Variants in RIMS1 observed in about 807,000 individuals in gnomAD.
RIMS1 encodes regulating synaptic membrane exocytosis 1.
Under a neutral mutation model 214.1 loss-of-function variants are expected in RIMS1, and 83 were observed. The observed-to-expected ratio is 0.39, with a 90% CI of 0.32 to 0.47. RIMS1 has a LOEUF of 0.47. Ranked by LOEUF, RIMS1 falls within the 20% of genes least tolerant of loss-of-function variation. The pLI, the probability that RIMS1 is intolerant of heterozygous loss-of-function variation, is 0.99. For missense variants in RIMS1, 2,050 were observed against 2,161.8 expected, an observed-to-expected ratio of 0.95 and a Z score of 1.03; for synonymous variants, 793 against 786.8, an observed-to-expected ratio of 1.01 and a Z score of -0.13.
chr6:72,148,377 G>C (rs561668088), intron 4 of RIMS1, among the ~76,000 whole-genome samples: 3 of 152,074 alleles, frequency 2.0e-5, no homozygotes, highest in African/African-American at 7.2e-5. Context: ...TGGGATACAA[G>C]AGGGGGAGAA....
chr6:72,166,214 ACACACATG>A (rs976750803), intron 4 of RIMS1, among the ~76,000 whole-genome samples: 13 of 152,076 alleles, frequency 8.5e-5, no homozygotes, highest in African/African-American at 3.1e-4. Flanking sequence ...ACAAATACAC[ACACACATG>A]CACACATACA....
intron 4 of RIMS1, among the ~76,000 whole-genome samples, chr6:72,170,654 G>C (rs780318797): frequency 1.3e-5 from 2 of 152,042 alleles, no homozygotes; most frequent in Non-Finnish European, 2.9e-5. Flanking sequence ...TTTTGTTTCT[G>C]TCTGTCTTTT....
intron 1 of RIMS1, among the ~76,000 whole-genome samples, chr6:71,906,909 C>T (rs928050553): frequency 6.6e-6 from 1 of 152,174 alleles, no homozygotes; most frequent in Non-Finnish European, 1.5e-5. Flanking sequence ...TCAAATAGTA[C>T]TACACACTCA....
chr6:72,074,532 G>A (rs764171465), intron 2 of RIMS1, among the ~76,000 whole-genome samples: 2 of 152,038 alleles, frequency 1.3e-5, no homozygotes, highest in Non-Finnish European at 2.9e-5. Context: ...GGACGTGGTG[G>A]CCCACACCTG....
chr6:71,994,926 C>T (rs1802924739), intron 2 of RIMS1, among the ~76,000 whole-genome samples: 1 of 152,168 alleles, frequency 6.6e-6, no homozygotes, highest in South Asian at 2.1e-4. Context: ...ATCTCAAAGC[C>T]AACTCTTTTG....
intron 19 of RIMS1, chr6:72,261,074 G>T: frequency 8.3e-7 from 1 of 1,209,192 alleles, no homozygotes; most frequent in East Asian, 5.3e-5. Context: ...AATGCTCACT[G>T]TGAGTGCCCC....
chr6:72,072,376 A>G (rs1444988932), intron 2 of RIMS1, among the ~76,000 whole-genome samples: 1 of 152,208 alleles, frequency 6.6e-6, no homozygotes, highest in Non-Finnish European at 1.5e-5. Context: ...ATCAGGAGGA[A>G]TGGTACATAA....
At chr6:71,933,720 G>A (rs2013821) in intron 1 of RIMS1, among the ~76,000 whole-genome samples, 37,309 of 112,792 alleles carry the variant, frequency 0.33, 5,067 homozygotes, top group East Asian at 0.5. Context: ...ACACACACAA[G>A]TTGTATTAAA....
intron 28 of RIMS1, among the ~76,000 whole-genome samples, chr6:72,329,627 A>G (rs995019379): frequency 5.8e-4 from 88 of 150,626 alleles, no homozygotes; most frequent in African/African-American, 2.1e-3. Context: ...AAAATTTTAC[A>G]CTTCTGTAGA....
intron 1 of RIMS1, among the ~76,000 whole-genome samples, chr6:71,902,683 C>A (rs1454583125): frequency 6.6e-6 from 1 of 152,006 alleles, no homozygotes; most frequent in Non-Finnish European, 1.5e-5. Context: ...CTCTCCCTCC[C>A]CTGCCCCCGA....
chr6:72,182,312 A>G lies in RIMS1; in HGVS notation c.841A>G (p.Asn281Asp). 1.9e-6 allele frequency: 3 copies of G among 1,604,120 alleles called. No homozygotes were observed. Among genetic ancestry groups the G allele is most frequent in the Non-Finnish European group, 2.6e-6 (3 of 1,175,424 alleles). ...GAAGACCCCAGGGCTTTCCGAGCAG[A>G]ATGGCAAAGGAGCCCTGAAGAGCGA... ...RKKTPGLSEQNGKGALKSERK... is the reference protein window; with the variant it reads ...RKKTPGLSEQDGKGALKSERK... Residue 281 changes from asparagine (N) to aspartate (D), a missense_variant, in exon 6 of 34, where the codon AAT (asparagine) becomes GAT (aspartate). Coordinates refer to ENST00000521978, the MANE Select transcript of RIMS1 (RefSeq NM_014989.7).
intron 4 of RIMS1, among the ~76,000 whole-genome samples, chr6:72,131,838 A>G (rs1469145865): frequency 2.6e-5 from 4 of 152,068 alleles, no homozygotes; most frequent in Non-Finnish European, 5.9e-5. Flanking sequence ...AGATGACCAC[A>G]CCCAAGGGGG....
At chr6:71,959,099 C>T (rs966537099) in intron 1 of RIMS1, among the ~76,000 whole-genome samples, 1 of 151,964 alleles carries the variant, frequency 6.6e-6, no homozygotes, top group African/African-American at 2.4e-5. Flanking sequence ...AAGAAATATT[C>T]ATTCACAATA....
intron 22 of RIMS1, among the ~76,000 whole-genome samples, chr6:72,273,624 A>G (rs2084610334): frequency 6.6e-6 from 1 of 152,162 alleles, no homozygotes; most frequent in African/African-American, 2.4e-5. Context: ...TTTAATTGAC[A>G]TACTTTTGCA....
chr6:72,000,031 A>G (rs968621695), intron 2 of RIMS1, among the ~76,000 whole-genome samples: 4 of 152,184 alleles, frequency 2.6e-5, no homozygotes, highest in African/African-American at 7.2e-5. Flanking sequence ...AGCATTGATG[A>G]ACTTTTCTTC....
Position 72,228,362 on chromosome 6 carries a change from AT to A in RIMS1, c.1679-5408del, listed in dbSNP as rs2060921264. ...ACCACTCTATTCTCTGTTTCCATGA[AT>A]TTGACTATTTTAGATTCCTCATATA... On this transcript the variant is annotated intron_variant, in intron 6 of 33. Transcript: ENST00000521978. 2.6e-5 allele frequency among the ~76,000 whole-genome samples: 4 copies of A among 151,828 alleles called. No homozygotes were observed. In the South Asian group the frequency reaches 8.3e-4, roughly 31 times the overall value.
chr6:72,316,728 C>A, intron 28 of RIMS1: 1 of 653,272 alleles, frequency 1.5e-6, no homozygotes. Flanking sequence ...CCCAGAGCAG[C>A]CTGGGGGCCC....
rs1225200908 is a variant in RIMS1 at position 72,089,566 on chromosome 6, G to A, written c.246-7383G>A. The stretch of plus-strand genomic sequence containing the variant: ...AGGCTTAAACAATCCTACCATGTCA[G>A]CCTCCTGAGTAGCTGGGTCTACAGA... On this transcript the variant is annotated intron_variant, in intron 2 of 33. Coordinates refer to ENST00000521978, the MANE Select transcript of RIMS1 (RefSeq NM_014989.7). 2.6e-5 allele frequency among the ~76,000 whole-genome samples: 4 copies of A among 152,028 alleles called. No individual in the cohort carries two copies. The South Asian group carries it at 6.2e-4, about 24-fold the overall frequency.
intron 9 of RIMS1, 143 bp from the exon 10 acceptor site, chr6:72,242,171 G>T (rs1452401309): frequency 3.2e-6 from 2 of 625,442 alleles, no homozygotes; most frequent in African/African-American, 3.8e-5. Context: ...ACATTATATG[G>T]CAATCAATTT....
Sources: gnomAD v4.1 joint callset for allele counts (sites outside exome capture counted in the v4.1 genomes callset) on GRCh38, gnomAD v4.1.1 for gene constraint, MANE v1.5 for transcripts, NCBI Gene and HGNC (gene_info 2026-07-23, HGNC 2026-07-21) for gene names.